Variants in OSBPL10 observed in about 807,000 individuals in gnomAD.
OSBPL10 encodes the protein oxysterol-binding protein-related protein 10.
Under a neutral mutation model 81.7 loss-of-function variants are expected in OSBPL10, and 49 were observed. The ratio of observed to expected loss-of-function variants is 0.60; its 90% confidence interval spans 0.48 to 0.76. OSBPL10 has a LOEUF of 0.76. OSBPL10 is among the 30% of genes least tolerant of loss of function. The probability of loss-of-function intolerance (pLI) is 0.00; values close to 1 mark genes in which losing one functional copy is unlikely to be tolerated. For synonymous variants in OSBPL10, 419 were observed against 383.6 expected, an observed-to-expected ratio of 1.09 and a Z score of -1.08; for missense variants, 923 against 987.8, an observed-to-expected ratio of 0.93 and a Z score of 0.88.
chr3:31,695,147 C>T (rs1695674814), intron 7 of OSBPL10, among the ~76,000 whole-genome samples: 1 of 152,202 alleles, frequency 6.6e-6, no homozygotes, highest in Non-Finnish European at 1.5e-5. Flanking sequence ...GCTCAATCCA[C>T]TAGTTTTAGC....
chr3:31,921,163 CTT>C (rs1352868408), intron 1 of OSBPL10, among the ~76,000 whole-genome samples: 1 of 152,058 alleles, frequency 6.6e-6, no homozygotes, highest in Non-Finnish European at 1.5e-5. Flanking sequence ...TCATGATAAA[CTT>C]AATATAGATA....
At chr3:31,989,201 T>A in intron 2 of OSBPL10, 1 of 1,614,184 alleles carries the variant, frequency 6.2e-7, no homozygotes, top group South Asian at 1.1e-5. Flanking sequence ...TGGAAATGCC[T>A]GGACCCTACG....
At chr3:31,701,535 C>T (rs6798349) in intron 7 of OSBPL10, 88,354 of 151,948 alleles carry the variant, frequency 0.58, 27,844 homozygotes, top group Non-Finnish European at 0.72. Flanking sequence ...CTCACACCAC[C>T]GTGCCAGGAA....
At chr3:32,001,527 A>C (rs1473849687) in intron 2 of OSBPL10, among the ~76,000 whole-genome samples, 1 of 152,224 alleles carries the variant, frequency 6.6e-6, no homozygotes, top group South Asian at 2.1e-4. Context: ...TATTCAACTC[A>C]TTAATTAATA....
chr3:31,736,783 C>T (rs935071116), intron 5 of OSBPL10, among the ~76,000 whole-genome samples: 1 of 152,112 alleles, frequency 6.6e-6, no homozygotes, highest in African/African-American at 2.4e-5. Flanking sequence ...GCCTGTAGTC[C>T]CAGCTACTTG....
chr3:31,891,484 T>C (rs1218966099), intron 1 of OSBPL10, among the ~76,000 whole-genome samples: 2 of 152,206 alleles, frequency 1.3e-5, no homozygotes, highest in Admixed American at 6.5e-5. Flanking sequence ...GCTGGCTAAT[T>C]CGCTCTTGCA....
chr3:31,765,629 A>C (rs1466288370), intron 4 of OSBPL10, among the ~76,000 whole-genome samples: 1 of 152,192 alleles, frequency 6.6e-6, no homozygotes, highest in Non-Finnish European at 1.5e-5. Flanking sequence ...AGATGGATCC[A>C]TTTGAACAAA....
chr3:31,665,926 G>A (rs773165947), intron 10 of OSBPL10, among the ~76,000 whole-genome samples: 1 of 152,112 alleles, frequency 6.6e-6, no homozygotes, highest in African/African-American at 2.4e-5. Flanking sequence ...CCAGAGACAG[G>A]GTGATGGGAC....
chr3:32,043,393 T>C (rs1477265304), intron 2 of OSBPL10, among the ~76,000 whole-genome samples: 1 of 152,210 alleles, frequency 6.6e-6, no homozygotes, highest in Non-Finnish European at 1.5e-5. Flanking sequence ...TGATTTCGTA[T>C]TGTTCAAACA....
chr3:31,848,034 C>A (rs1700674786), intron 3 of OSBPL10, among the ~76,000 whole-genome samples: 1 of 152,126 alleles, frequency 6.6e-6, no homozygotes, highest in Non-Finnish European at 1.5e-5. Flanking sequence ...TCAGGCTGAG[C>A]CTACCTGGAG....
intron 10 of OSBPL10, among the ~76,000 whole-genome samples, chr3:31,668,348 T>G (rs781605298): frequency 1.3e-5 from 2 of 152,196 alleles, no homozygotes; most frequent in African/African-American, 2.4e-5. Flanking sequence ...ACTCTCGGTA[T>G]TTACCTTTGC....
intron 4 of OSBPL10, among the ~76,000 whole-genome samples, chr3:31,758,033 C>T (rs1049623651): frequency 6.6e-6 from 1 of 152,142 alleles, no homozygotes; most frequent in African/African-American, 2.4e-5. Context: ...ACTATAGAGC[C>T]TCATCAATGG....
At chr3:31,811,184 G>A (rs976975563) in intron 4 of OSBPL10, among the ~76,000 whole-genome samples, 3 of 152,154 alleles carry the variant, frequency 2.0e-5, no homozygotes, top group Non-Finnish European at 4.4e-5. Context: ...ACTGCAGAGG[G>A]GTTGGGGTGT....
chr3:31,725,161 A>G (rs1696767114), intron 6 of OSBPL10, among the ~76,000 whole-genome samples: 1 of 152,256 alleles, frequency 6.6e-6, no homozygotes, highest in South Asian at 2.1e-4. Flanking sequence ...GAAGGGCTCC[A>G]TTCAATGCCC....
chr3:31,885,995 C>A (rs1313563527), intron 1 of OSBPL10, among the ~76,000 whole-genome samples: 279 of 62,468 alleles, frequency 4.5e-3, no homozygotes, highest in Admixed American at 6.2e-3. Flanking sequence ...AACTCCATCT[C>A]AAAAAAAAAA....
intron 1 of OSBPL10, among the ~76,000 whole-genome samples, chr3:31,911,088 C>G (rs1696561925): frequency 6.6e-6 from 1 of 152,152 alleles, no homozygotes; most frequent in African/African-American, 2.4e-5. Flanking sequence ...TAAGTCCATC[C>G]TGCTTCAGAC....
At chr3:31,952,844 T>C (rs546684273) in intron 1 of OSBPL10, among the ~76,000 whole-genome samples, 83 of 152,238 alleles carry the variant, frequency 5.5e-4, no homozygotes, top group Admixed American at 9.2e-4. Context: ...GACTTTAAAC[T>C]GTGGCTGTCG....
Position 31,922,221 on chromosome 3 carries a change from G to A in OSBPL10, c.282-42391C>T, listed in dbSNP as rs183802373. ...TCAGTTAATAATGAGGTGTAATATC[G>A]GTTATTAATGGTAATGTAACCACAT... On this transcript the variant is annotated intron_variant, in intron 1 of 11. Transcript: ENST00000396556. 7.2e-5 allele frequency among the ~76,000 whole-genome samples: 11 copies of A among 152,268 alleles called. No individual in the cohort carries two copies. In the East Asian group the frequency reaches 7.7e-4, roughly 11 times the overall value.
intron 2 of OSBPL10, among the ~76,000 whole-genome samples, chr3:31,987,161 C>T (rs986177422): frequency 6.6e-6 from 1 of 152,014 alleles, no homozygotes; most frequent in Admixed American, 6.6e-5. Flanking sequence ...TCCCTTCGTC[C>T]AGACACTCTT....
Sources: allele counts gnomAD v4.1 joint callset (sites outside exome capture counted in the v4.1 genomes callset), GRCh38; gene constraint gnomAD v4.1.1; transcripts MANE v1.5; gene names NCBI Gene and HGNC (gene_info 2026-07-23, HGNC 2026-07-21).